Variants in ELMO1 observed in about 807,000 individuals in gnomAD.
ELMO1 encodes the protein engulfment and cell motility 1.
In ELMO1, 26 loss-of-function variants were observed where a neutral mutation model predicts 98.9. The ratio of observed to expected loss-of-function variants is 0.26; its 90% CI spans 0.19 to 0.36. The LOEUF (loss-of-function observed/expected upper bound fraction) is 0.36. Among genes scored for constraint, ELMO1 ranks in the 10% least tolerant of loss-of-function variants. The pLI is 1.00. For missense variants in ELMO1, 627 were observed against 935.2 expected (o/e 0.67, Z 4.30); for synonymous variants, 346 against 346.0 (o/e 1.00, Z 0.00).
chr7:37,431,924 C>G (rs1206628014), intron 1 of ELMO1, among the ~76,000 whole-genome samples: 1 of 152,134 alleles, frequency 6.6e-6, no homozygotes, highest in Non-Finnish European at 1.5e-5. Flanking sequence ...TCTTGTTGCC[C>G]AGGCTGGAGT....
intron 21 of ELMO1, among the ~76,000 whole-genome samples, chr7:36,856,702 G>C (rs1802223064): frequency 6.6e-6 from 1 of 152,202 alleles, no homozygotes. Flanking sequence ...GACACCTGGT[G>C]AAAGAGGCAC....
chr7:36,961,038 G>C (rs1347710024), intron 16 of ELMO1, among the ~76,000 whole-genome samples: 3 of 152,110 alleles, frequency 2.0e-5, no homozygotes, highest in African/African-American at 7.2e-5. Context: ...ACGTGTGTCT[G>C]TGTAGTTTTA....
intron 13 of ELMO1, among the ~76,000 whole-genome samples, chr7:37,142,977 C>A (rs534944422): frequency 6.6e-6 from 1 of 152,130 alleles, no homozygotes; most frequent in Non-Finnish European, 1.5e-5. Context: ...ATCAATCACA[C>A]CCCTCCACAG....
chr7:37,162,065 T>G (rs564441765), intron 13 of ELMO1, among the ~76,000 whole-genome samples: 8 of 147,332 alleles, frequency 5.4e-5, no homozygotes, highest in Non-Finnish European at 1.1e-4. Flanking sequence ...GGGAGAGAGA[T>G]AAGAAAAAGT....
chr7:37,378,440 G>A (rs1208028910), intron 1 of ELMO1, among the ~76,000 whole-genome samples: 1 of 152,136 alleles, frequency 6.6e-6, no homozygotes, highest in East Asian at 1.9e-4. Context: ...CCTAATGCAT[G>A]CAAAAGAATG....
At chr7:37,033,355 C>T (rs1794984995) in intron 15 of ELMO1, 2 of 454,846 alleles carry the variant, frequency 4.4e-6, no homozygotes. Flanking sequence ...ACCTCCGAGA[C>T]ACACTGCAAG....
At chr7:37,321,736 A>AAAAAAAAAAAAAAAC (rs1192639432) in intron 2 of ELMO1, among the ~76,000 whole-genome samples, 2 of 148,210 alleles carry the variant, frequency 1.3e-5, no homozygotes, top group Non-Finnish European at 1.5e-5. Flanking sequence ...AAAAAAAAAA[A>AAAAAAAAAAAAAAAC]AACACAGAAA....
rs141005773 is a variant in ELMO1 at position 36,895,148 on chromosome 7, G to A, written c.1438-131C>T. ...CATGCTCAGCATTAACCTTGAGCAT[G>A]CTTTTCCAAAACAGTCAACTTCCAT... On this transcript the variant is annotated intron_variant, in intron 16 of 21. Coordinates refer to ENST00000310758, the MANE Select transcript of ELMO1 (RefSeq NM_014800.11). The A allele has an allele frequency of 1.6e-4, 161 of 1,012,316 alleles. No individual in the cohort carries two copies. In the African/African-American group the frequency reaches 2.4e-3, roughly 15 times the overall value. 62.7% of individuals were successfully genotyped at this position (1,012,316 alleles called of 1,614,324 possible).
At chr7:37,292,706 G>A (rs13310335) in intron 4 of ELMO1, among the ~76,000 whole-genome samples, 14,879 of 29,460 alleles carry the variant, frequency 0.51, 4,743 homozygotes, top group South Asian at 0.79. Context: ...GAGCGTCTCC[G>A]CCCGGCAGCC....
At chr7:37,037,237 T>C (rs534186245) in intron 15 of ELMO1, among the ~76,000 whole-genome samples, 40 of 152,348 alleles carry the variant, frequency 2.6e-4, no homozygotes, top group Non-Finnish European at 5.4e-4. Flanking sequence ...GATGAAGAAG[T>C]TCCTCAAGTG....
chr7:37,300,792 T>C (rs1413691961), intron 4 of ELMO1, among the ~76,000 whole-genome samples: 1 of 150,770 alleles, frequency 6.6e-6, no homozygotes, highest in Non-Finnish European at 1.5e-5. Flanking sequence ...ATAAATGAGT[T>C]AGGGAGGATT....
chr7:37,279,592 CG>C (rs1797033541), intron 4 of ELMO1, among the ~76,000 whole-genome samples: 1 of 152,124 alleles, frequency 6.6e-6, no homozygotes, highest in Non-Finnish European at 1.5e-5. Flanking sequence ...GGTCTCTTTG[CG>C]GGAGAAGTTT....
intron 1 of ELMO1, among the ~76,000 whole-genome samples, chr7:37,413,936 C>T (rs965432115): frequency 7.2e-5 from 11 of 152,106 alleles, no homozygotes; most frequent in Admixed American, 6.6e-4. Context: ...CCTCGCCCTC[C>T]CAGAGTGCTG....
chr7:37,027,241 A>C (rs1037716477), intron 15 of ELMO1, among the ~76,000 whole-genome samples: 1 of 152,338 alleles, frequency 6.6e-6, no homozygotes, highest in Non-Finnish European at 1.5e-5. Flanking sequence ...TCATTGCACA[A>C]ATTCAACAGA....
intron 13 of ELMO1, among the ~76,000 whole-genome samples, chr7:37,187,500 T>G (rs901475091): frequency 6.6e-6 from 1 of 152,218 alleles, no homozygotes; most frequent in Admixed American, 6.5e-5. Flanking sequence ...GTTCTCAGTT[T>G]TACAAATTTT....
intron 16 of ELMO1, among the ~76,000 whole-genome samples, chr7:36,963,504 C>T (rs955244456): frequency 1.3e-5 from 2 of 152,168 alleles, no homozygotes; most frequent in African/African-American, 4.8e-5. Context: ...ATACTCCCCT[C>T]ACACAAACAC....
At chr7:37,340,661 T>C (rs555147809) in intron 2 of ELMO1, among the ~76,000 whole-genome samples, 7 of 152,200 alleles carry the variant, frequency 4.6e-5, no homozygotes, top group Non-Finnish European at 8.8e-5. Context: ...AAACTGGAAA[T>C]AGGGTATAAA....
chr7:36,886,154 TG>T (rs1391262081), intron 18 of ELMO1, among the ~76,000 whole-genome samples: 2 of 152,202 alleles, frequency 1.3e-5, no homozygotes, highest in African/African-American at 4.8e-5. Flanking sequence ...AGTGGCTGAA[TG>T]GGAGGGAGGA....
At chr7:37,208,449 A>T (rs944139626) in intron 13 of ELMO1, among the ~76,000 whole-genome samples, 2 of 152,214 alleles carry the variant, frequency 1.3e-5, no homozygotes, top group Admixed American at 1.3e-4. Flanking sequence ...TAATCTTATG[A>T]ACTGAACTTT....
Sources: allele counts gnomAD v4.1 joint callset (sites outside exome capture counted in the v4.1 genomes callset), GRCh38; gene constraint gnomAD v4.1.1; transcripts MANE v1.5; gene names NCBI Gene and HGNC (gene_info 2026-07-23, HGNC 2026-07-21).